The following WNT2B variants were observed in gnomAD, a reference collection of about 807,000 sequenced individuals.
WNT2B encodes protein Wnt-2b.
WNT2B carries 19 observed loss-of-function variants against 40.5 expected under a neutral mutation model. The observed-to-expected ratio is 0.47, with a 90% CI of 0.33 to 0.69. The LOEUF (loss-of-function observed/expected upper bound fraction) is 0.69, where lower values mean the gene tolerates loss of function less well. Ranked by LOEUF, WNT2B falls within the 30% of genes least tolerant of loss-of-function variation. The probability of loss-of-function intolerance (pLI) is 0.02; values close to 1 mark genes in which losing one functional copy is unlikely to be tolerated. For missense variants in WNT2B, 467 were observed against 556.4 expected (o/e 0.84, Z 1.62); for synonymous variants, 220 against 211.9 (o/e 1.04, Z -0.33).
Position 112,525,861 on chromosome 1 carries a change from CAATATT to C in WNT2B, c.*5353_*5358del. 3 of 1,075,522 alleles carry C rather than the reference CAATATT, an allele frequency of 2.8e-6. No individual in the cohort carries two copies. Among genetic ancestry groups the C allele is most frequent in the Non-Finnish European group, 3.8e-6 (3 of 782,814 alleles). The allele number at this position is 1,075,522 out of a possible 1,614,324, so 66.6% of individuals were successfully genotyped here. ...CCAAGGGGGGTTTGCCTAGGAATAA[CAATATT>C]CATAAGAAGCTTTTTCATATGCAAA... On this transcript the variant is annotated 3_prime_UTR_variant, in exon 5 of 5. Coordinates refer to ENST00000369684, the MANE Select transcript of WNT2B (RefSeq NM_024494.3).
chr1:112,473,847 G>A (rs550757566), intron 1 of WNT2B, among the ~76,000 whole-genome samples: 5 of 150,696 alleles, frequency 3.3e-5, no homozygotes, highest in African/African-American at 1.2e-4. Flanking sequence ...ATGAGGTCAG[G>A]AGATCGAGAT....
Position 112,522,033 on chromosome 1 carries a change from CTTTT to C in WNT2B, c.*1526_*1529del, listed in dbSNP as rs928777794. ...TACGTACCTGTTCTTTTTTTTCTTTCTTTTTATTTCTTTTAGAGATAGGGTCTCG... is the reference window on the plus strand; with the variant it reads ...TACGTACCTGTTCTTTTTTTTCTTTCTATTTCTTTTAGAGATAGGGTCTCG... On this transcript the variant is annotated 3_prime_UTR_variant, in exon 5 of 5. Transcript: ENST00000369684. 6 of 151,436 alleles carry C rather than the reference CTTTT, an allele frequency of 4.0e-5. No individual in the cohort carries two copies. The highest frequency in any genetic ancestry group is 1.2e-4 in the African/African-American group (5 of 41,248). 9.4% of individuals were successfully genotyped at this position (151,436 alleles called of 1,614,324 possible). A position where few individuals can be genotyped will look rare whatever the true frequency, so the allele number is the denominator to read the frequency against.
intron 1 of WNT2B, among the ~76,000 whole-genome samples, chr1:112,477,277 A>G (rs1651080992): frequency 6.6e-6 from 1 of 152,198 alleles, no homozygotes; most frequent in Non-Finnish European, 1.5e-5. Context: ...AGCTTTATAG[A>G]GAGTATGCTG....
rs1652797207 is a variant in WNT2B, at chr1:112,520,280, G to A, written c.947G>A (p.Gly316Asp). ...TCACTCCCTCTCTTCCCCAACCCAG[G>A]TTCCCTAGGCACTGCAGGCCGTGTC... ...PDYCVLDKAA[G>D]SLGTAGRVCS... Residue 316 changes from glycine to aspartate, a missense_variant and splice_region_variant, in exon 5 of 5, where the codon GGT becomes GAT. By Grantham distance (94) the Gly-to-Asp change is moderately conservative. This residue lies in a region of WNT2B where 330 missense variants were observed against 438.6 expected (regional missense o/e 0.75). Transcript: ENST00000369684. 6.2e-7 allele frequency: 1 copy of A among 1,613,510 alleles called. No individual in the cohort carries two copies. Among genetic ancestry groups the A allele is most frequent in the Non-Finnish European group, 8.5e-7 (1 of 1,179,760 alleles).
At chr1:112,491,158 C>T (rs1651590643) in intron 1 of WNT2B, 1 of 1,414,340 alleles carries the variant, frequency 7.1e-7, no homozygotes, top group African/African-American at 1.4e-5. Context: ...GCCTGTAATC[C>T]CAGCACTTTC....
Position 112,517,302 on chromosome 1 carries a change from G to T in WNT2B, c.863G>T (p.Arg288Leu). Reference sequence around the variant, plus strand: ...GATGGTGCCAACTTCACCGCAGCCCGCCAAGGCTATCGCCGTGCCACCCGG... The same window carrying T: ...GATGGTGCCAACTTCACCGCAGCCCTCCAAGGCTATCGCCGTGCCACCCGG... ...TQDGANFTAARQGYRRATRTD... is the reference protein window; with the variant it reads ...TQDGANFTAALQGYRRATRTD... The change falls in exon 4 of 5, where the codon CGC becomes CTC. Residue 288 changes from arginine (R) to leucine (L), a missense_variant. Transcript: ENST00000369684. 8.7e-6 allele frequency: 14 copies of T among 1,614,152 alleles called. No individual in the cohort carries two copies. The highest frequency in any genetic ancestry group is 1.2e-5 in the Non-Finnish European group (14 of 1,180,002).
At chr1:112,506,294 T>C (rs932017305), upstream of WNT2B, among the ~76,000 whole-genome samples, 1 of 152,224 alleles carries the variant, frequency 6.6e-6, no homozygotes, top group Non-Finnish European at 1.5e-5. Context: ...CCACCAAGCC[T>C]GGGCCTCAAA....
chr1:112,520,592 C>T lies in WNT2B; in HGVS notation c.*83C>T. On this transcript the variant is annotated 3_prime_UTR_variant, in exon 5 of 5. Transcript: ENST00000369684. ...ATCCTTGCATGCACACCTTCCTCCA[C>T]CCTCCACCCTGGGCTGCTACCGCTT... 3 of 1,375,644 alleles carry T rather than the reference C, an allele frequency of 2.2e-6. No individual in the cohort carries two copies. The highest frequency in any genetic ancestry group is 3.0e-6 in the Non-Finnish European group (3 of 989,224). 85.2% of individuals were successfully genotyped at this position (1,375,644 alleles called of 1,614,324 possible).
chr1:112,512,313 A>T (rs1162401148), intron 1 of WNT2B, among the ~76,000 whole-genome samples: 1 of 152,174 alleles, frequency 6.6e-6, no homozygotes, highest in African/African-American at 2.4e-5. Context: ...GGGATATTGA[A>T]TTGAACAAAA....
upstream of WNT2B, chr1:112,508,934 C>T: frequency 8.6e-7 from 1 of 1,164,480 alleles, no homozygotes; most frequent in Non-Finnish European, 1.1e-6. The surrounding 1 kb of genome is among the most constrained non-coding windows in gnomAD (Gnocchi z 4.2). Flanking sequence ...CCGTCCCGTC[C>T]AATGAGAGCC....
In WNT2B at chr1:112,526,263, A is replaced by G; in HGVS notation, c.*5754A>G. On this transcript the variant is annotated 3_prime_UTR_variant, in exon 5 of 5. Coordinates refer to ENST00000369684, the MANE Select transcript of WNT2B (RefSeq NM_024494.3). ...CTCTTTTGCCATTTCTGCCACTATT[A>G]CCACCAGTACCATGTGACCACTATA... The G allele has an allele frequency of 1.1e-6, 1 of 911,138 alleles. No individual in the cohort carries two copies. The highest frequency in any genetic ancestry group is 1.7e-6 in the Non-Finnish European group (1 of 601,404). The allele number at this position is 911,138 out of a possible 1,614,324, so 56.4% of individuals were successfully genotyped here. A position where few individuals can be genotyped will look rare whatever the true frequency, so the allele number is the denominator to read the frequency against.
At chr1:112,472,955 TAA>T (rs1192468136) in intron 1 of WNT2B, among the ~76,000 whole-genome samples, 3 of 35,076 alleles carry the variant, frequency 8.6e-5, no homozygotes. Flanking sequence ...AAAGCAATAC[TAA>T]AAAAAAAAAG....
chr1:112,520,489 G>T lies in WNT2B; in HGVS notation c.1156G>T (p.Glu386Ter). ...TACTTGCAAAGCCCCCAAGAAGGCA[G>T]AGTGGCTGGACCAAACCTGAACACA... The part of the protein sequence containing the change: ...VHTCKAPKKA[E>*]WLDQT The change falls in exon 5 of 5, where the codon GAG becomes TAG. Residue 386 changes from glutamate (E) to a stop codon, truncating the protein, a stop_gained. Coordinates refer to ENST00000369684, the MANE Select transcript of WNT2B (RefSeq NM_024494.3). LOFTEE classifies it high-confidence loss of function. 1 of 1,614,116 alleles carries T rather than the reference G, an allele frequency of 6.2e-7. No individual in the cohort carries two copies. The highest frequency in any genetic ancestry group is 1.1e-5 in the South Asian group (1 of 91,076).
rs910894623 is a variant in WNT2B, at chr1:112,522,802, G to A, written c.*2293G>A. 6.6e-6 allele frequency: 1 copy of A among 152,224 alleles called. No individual in the cohort carries two copies. The highest frequency in any genetic ancestry group is 1.5e-5 in the Non-Finnish European group (1 of 68,082). 9.4% of individuals were successfully genotyped at this position (152,224 alleles called of 1,614,324 possible). Reference sequence around the variant, plus strand: ...GTAAGGGGATGCCTGTGGAGAAATGGGCCTGAGTGAGTCAGGCCAAGAGAA... The same window carrying A: ...GTAAGGGGATGCCTGTGGAGAAATGAGCCTGAGTGAGTCAGGCCAAGAGAA... On this transcript the variant is annotated 3_prime_UTR_variant, in exon 5 of 5. Coordinates refer to ENST00000369684, the MANE Select transcript of WNT2B (RefSeq NM_024494.3).
intron 1 of WNT2B, among the ~76,000 whole-genome samples, chr1:112,473,990 A>G (rs1650973804): frequency 1.4e-5 from 2 of 148,016 alleles, no homozygotes; most frequent in Admixed American, 6.7e-5. Context: ...GCATGAACCC[A>G]GGAGGCAGAG....
In WNT2B at chr1:112,523,840, C is replaced by G. The variant is rs1005268142; in HGVS notation, c.*3331C>G. 2 of 152,070 alleles carry G rather than the reference C, an allele frequency of 1.3e-5. No individual in the cohort carries two copies. The highest frequency in any genetic ancestry group is 2.4e-5 in the African/African-American group (1 of 41,384). 9.4% of individuals were successfully genotyped at this position (152,070 alleles called of 1,614,324 possible). A position where few individuals can be genotyped will look rare whatever the true frequency, so the allele number is the denominator to read the frequency against. ...TGACTGAAGTACCTCAGCTGCGCAG[C>G]CTGTAGCCAGTTTTTTTAATGTAAA... On this transcript the variant is annotated 3_prime_UTR_variant, in exon 5 of 5. Coordinates refer to ENST00000369684, the MANE Select transcript of WNT2B (RefSeq NM_024494.3).
At chr1:112,490,937 A>G in intron 1 of WNT2B, 1 of 1,435,934 alleles carries the variant, frequency 7.0e-7, no homozygotes. Context: ...AAATCTACAA[A>G]TCACTCCTCT....
Position 112,527,863 on chromosome 1 carries a change from C to T in WNT2B, c.*7354C>T, listed in dbSNP as rs1653719254. On this transcript the variant is annotated 3_prime_UTR_variant, in exon 5 of 5. Coordinates refer to ENST00000369684, the MANE Select transcript of WNT2B (RefSeq NM_024494.3). The stretch of plus-strand genomic sequence containing the variant: ...ATGCGCTGCTTCTTTAGGAATGTAA[C>T]TATGAAGTAAAAGGAAACAGTAAGG... 1 of 152,136 alleles carries T rather than the reference C, an allele frequency of 6.6e-6. No homozygotes were observed. Among genetic ancestry groups the T allele is most frequent in the Non-Finnish European group, 1.5e-5 (1 of 68,048 alleles). 9.4% of individuals were successfully genotyped at this position (152,136 alleles called of 1,614,324 possible).
At chr1:112,498,525 A>G (rs1651850264) in intron 1 of WNT2B, among the ~76,000 whole-genome samples, 1 of 149,230 alleles carries the variant, frequency 6.7e-6, no homozygotes, top group Non-Finnish European at 1.5e-5. Context: ...TTGAGCCACC[A>G]CACCCAGCCA....
Sources: gnomAD v4.1 joint callset for allele counts (sites outside exome capture counted in the v4.1 genomes callset) on GRCh38, gnomAD v4.1.1 for gene constraint, gnomAD v4.1.1 regional missense constraint, Gnocchi (gnomAD v3.1) non-coding constraint, MANE v1.5 for transcripts, NCBI Gene and HGNC (gene_info 2026-07-23, HGNC 2026-07-21) for gene names.